ZNF469: variants seen among roughly 807,000 people sequenced by gnomAD.
The protein encoded by ZNF469 is zinc finger protein 469.
Under a neutral mutation model 1.0 loss-of-function variants are expected in ZNF469, and 1 was observed. The observed-to-expected ratio is 1.00, with a 90% CI of 0.35 to 4.73. The LOEUF is 4.73. ZNF469 is among the 30% of genes most tolerant of loss of function. ZNF469 has a pLI of 0.16. For synonymous variants in ZNF469, 2,703 were observed against 2,363.4 expected (o/e 1.14, Z -4.17); for missense variants, 6,100 against 5,356.3 (o/e 1.14, Z -4.33).
the ZNF469 span, among the ~76,000 whole-genome samples, chr16:88,241,782 G>A: frequency 6.6e-6 from 1 of 152,172 alleles, no homozygotes; most frequent in Non-Finnish European, 1.5e-5. This position sits in a 1 kb window ranked among gnomAD's most constrained non-coding sequence, Gnocchi z 4.8. Flanking sequence ...GCATGCTTGG[G>A]GCCGGTGGAA....
chr16:88,161,496 A>G, the ZNF469 span, among the ~76,000 whole-genome samples: 2 of 152,314 alleles, frequency 1.3e-5, no homozygotes, highest in Admixed American at 1.3e-4. Context: ...AACACGAAAC[A>G]AACTTCATCT....
the ZNF469 span, among the ~76,000 whole-genome samples, chr16:88,163,610 GTAGATGGATGGA>G: frequency 5.8e-5 from 6 of 103,150 alleles, no homozygotes; most frequent in Non-Finnish European, 1.0e-4. Context: ...ATGTGCATTG[GTAGATGGATGGA>G]TGGATGGATG....
the ZNF469 span, among the ~76,000 whole-genome samples, chr16:88,260,105 G>C: frequency 6.6e-6 from 1 of 151,244 alleles, no homozygotes; most frequent in African/African-American, 2.4e-5. The surrounding 1 kb of genome is among the most constrained non-coding windows in gnomAD (Gnocchi z 4.1). Flanking sequence ...AGCCTCCTGA[G>C]TGGCTGGGAT....
chr16:88,374,989 A>G, the ZNF469 span, among the ~76,000 whole-genome samples: 1 of 152,240 alleles, frequency 6.6e-6, no homozygotes, highest in Non-Finnish European at 1.5e-5. Context: ...CACAGGCCCC[A>G]GCTGCATTTG....
the ZNF469 span, among the ~76,000 whole-genome samples, chr16:88,329,222 G>T: frequency 6.6e-6 from 1 of 152,192 alleles, no homozygotes; most frequent in Non-Finnish European, 1.5e-5. Context: ...TGGGCAGGTG[G>T]TGAAGGGGCT....
At chr16:88,388,422 C>G (rs754969939) in intron 1 of ZNF469, among the ~76,000 whole-genome samples, 8 of 152,204 alleles carry the variant, frequency 5.3e-5, no homozygotes, top group Non-Finnish European at 7.3e-5. Context: ...CGGCAGCCGC[C>G]TGCAGAATGT....
intron 1 of ZNF469, among the ~76,000 whole-genome samples, chr16:88,403,388 G>T (rs1341120198): frequency 6.6e-6 from 1 of 152,222 alleles, no homozygotes; most frequent in Non-Finnish European, 1.5e-5. Context: ...TGCTGAAGGG[G>T]GCAAACACAG....
the ZNF469 span, among the ~76,000 whole-genome samples, chr16:88,283,473 G>A: frequency 8.4e-4 from 128 of 152,338 alleles, no homozygotes; most frequent in African/African-American, 2.9e-3. Flanking sequence ...AGCAGGAAGA[G>A]TAAAACGTCA....
chr16:88,351,391 A>G, the ZNF469 span, among the ~76,000 whole-genome samples: 3 of 152,114 alleles, frequency 2.0e-5, no homozygotes, highest in Non-Finnish European at 4.4e-5. Flanking sequence ...CCATGGGATG[A>G]GGACGTTAAA....
At chr16:88,261,960 C>T in the ZNF469 span, among the ~76,000 whole-genome samples, 1 of 152,182 alleles carries the variant, frequency 6.6e-6, no homozygotes, top group Non-Finnish European at 1.5e-5. The surrounding 1 kb of genome is among the most constrained non-coding windows in gnomAD (Gnocchi z 6.0). Context: ...GGGGCCATGG[C>T]GCTGCACTGG....
chr16:88,309,241 G>A, the ZNF469 span, among the ~76,000 whole-genome samples: 497 of 152,380 alleles, frequency 3.3e-3, 3 homozygotes, highest in African/African-American at 0.012. Context: ...AGTGGGCTCC[G>A]TGGTGGTGTG....
At chr16:88,340,293 G>A in the ZNF469 span, among the ~76,000 whole-genome samples, 1 of 152,194 alleles carries the variant, frequency 6.6e-6, no homozygotes, top group African/African-American at 2.4e-5. Flanking sequence ...ACCAAACGAG[G>A]TGTTGTCATG....
At chr16:88,330,328 C>T in the ZNF469 span, among the ~76,000 whole-genome samples, 1 of 152,234 alleles carries the variant, frequency 6.6e-6, no homozygotes, top group African/African-American at 2.4e-5. Context: ...CTGTCGGATA[C>T]GGTCCTGGAA....
At chr16:88,240,142 C>T in the ZNF469 span, among the ~76,000 whole-genome samples, 1 of 151,734 alleles carries the variant, frequency 6.6e-6, no homozygotes, top group Non-Finnish European at 1.5e-5. Context: ...GGGGGTGATT[C>T]TCAAAGCCTG....
chr16:88,136,554 T>G, the ZNF469 span, among the ~76,000 whole-genome samples: 1 of 152,232 alleles, frequency 6.6e-6, no homozygotes, highest in African/African-American at 2.4e-5. Flanking sequence ...CTTGCTGTAT[T>G]GTGTGCCCTT....
the ZNF469 span, chr16:88,194,272 GC>G: frequency 6.6e-6 from 1 of 152,424 alleles, no homozygotes; most frequent in South Asian, 2.1e-4. Flanking sequence ...CGTCCTCAGT[GC>G]CCCGTGATGT....
chr16:88,402,144 TG>T (rs1221549384), intron 1 of ZNF469, among the ~76,000 whole-genome samples: 1 of 148,936 alleles, frequency 6.7e-6, no homozygotes, highest in Non-Finnish European at 1.5e-5. Flanking sequence ...GGTGAATGCA[TG>T]GGTAGATGGA....
chr16:88,116,854 G>A, the ZNF469 span, among the ~76,000 whole-genome samples: 1 of 152,206 alleles, frequency 6.6e-6, no homozygotes, highest in Non-Finnish European at 1.5e-5. Context: ...GGGGCAGCTG[G>A]AGGCAGCCTG....
At chr16:88,108,010 T>G in the ZNF469 span, among the ~76,000 whole-genome samples, 5 of 152,358 alleles carry the variant, frequency 3.3e-5, no homozygotes, top group South Asian at 1.0e-3. Flanking sequence ...GCGATCTGTA[T>G]GTCATTTGGA....
Sources: gnomAD v4.1 joint callset for allele counts (sites outside exome capture counted in the v4.1 genomes callset) on GRCh38, gnomAD v4.1.1 for gene constraint, Gnocchi (gnomAD v3.1) non-coding constraint, MANE v1.5 for transcripts, NCBI Gene and HGNC (gene_info 2026-07-23, HGNC 2026-07-21) for gene names.